Variants in STK24 observed in about 807,000 individuals in gnomAD.
STK24 encodes serine/threonine kinase 24, also known as serine/threonine-protein kinase 24.
Under a neutral mutation model 55.6 loss-of-function variants are expected in STK24, and 21 were observed. The observed-to-expected ratio is 0.38, with a 90% confidence interval of 0.27 to 0.54. The LOEUF (loss-of-function observed/expected upper bound fraction) is 0.54, where lower values mean the gene tolerates loss of function less well. Among genes scored for constraint, STK24 ranks in the 20% least tolerant of loss-of-function variants. The probability of loss-of-function intolerance (pLI) is 0.79; values close to 1 mark genes in which losing one functional copy is unlikely to be tolerated. For synonymous variants in STK24, 200 were observed against 215.2 expected, an observed-to-expected ratio of 0.93 and a Z score of 0.62; for missense variants, 383 against 538.4, an observed-to-expected ratio of 0.71 and a Z score of 2.86.
intron 2 of STK24, among the ~76,000 whole-genome samples, chr13:98,485,117 G>A (rs1894755730): frequency 6.6e-6 from 1 of 152,164 alleles, no homozygotes; most frequent in Non-Finnish European, 1.5e-5. Flanking sequence ...GTGTGTCACC[G>A]CCCAGTGGGT....
At chr13:98,507,971 G>T (rs1489905484) in intron 2 of STK24, among the ~76,000 whole-genome samples, 1 of 151,826 alleles carries the variant, frequency 6.6e-6, no homozygotes, top group Admixed American at 6.6e-5. Context: ...GGCCCAAAAT[G>T]CAACAGGGAA....
At chr13:98,553,515 C>T in intron 1 of STK24, 1 of 176,188 alleles carries the variant, frequency 5.7e-6, no homozygotes, top group Non-Finnish European at 1.3e-5. Context: ...TTCCAGGCAC[C>T]CAAGAGGCCT....
intron 1 of STK24, among the ~76,000 whole-genome samples, chr13:98,544,169 A>G (rs1896971376): frequency 6.6e-6 from 1 of 152,264 alleles, no homozygotes; most frequent in Admixed American, 6.5e-5. Flanking sequence ...CTGAACCCAC[A>G]GATGACAAAG....
chr13:98,530,275 G>A (rs1404829564), intron 1 of STK24, among the ~76,000 whole-genome samples: 3 of 152,138 alleles, frequency 2.0e-5, no homozygotes. Context: ...AGAATGTCTT[G>A]TAAAACACCT....
intron 2 of STK24, among the ~76,000 whole-genome samples, chr13:98,496,076 G>A (rs539225753): frequency 3.8e-4 from 58 of 152,320 alleles, no homozygotes; most frequent in African/African-American, 1.3e-3. Flanking sequence ...CTTGGTGCAT[G>A]GCTGCCCTAC....
chr13:98,535,931 C>T (rs1232992412), intron 1 of STK24, among the ~76,000 whole-genome samples: 2 of 152,230 alleles, frequency 1.3e-5, no homozygotes, highest in Non-Finnish European at 2.9e-5. Context: ...TTTACAAGAA[C>T]TGATGGAAGC....
chr13:98,470,246 G>C (rs1157331088), intron 5 of STK24, among the ~76,000 whole-genome samples: 1 of 152,106 alleles, frequency 6.6e-6, no homozygotes, highest in Non-Finnish European at 1.5e-5. Flanking sequence ...TGGATAGCTG[G>C]GACTATAGGG....
chr13:98,489,909 G>A (rs1894955510), intron 2 of STK24, among the ~76,000 whole-genome samples: 1 of 152,202 alleles, frequency 6.6e-6, no homozygotes, highest in East Asian at 1.9e-4. Context: ...GAAAAGGAAA[G>A]TAAGAGCGAG....
At chr13:98,520,400 G>A (rs1437793385) in intron 1 of STK24, among the ~76,000 whole-genome samples, 1 of 152,222 alleles carries the variant, frequency 6.6e-6, no homozygotes, top group Non-Finnish European at 1.5e-5. Context: ...AGACACCACT[G>A]CTGCAGACAC....
At chr13:98,513,655 G>A (rs1050392233) in intron 2 of STK24, among the ~76,000 whole-genome samples, 1 of 151,878 alleles carries the variant, frequency 6.6e-6, no homozygotes, top group Non-Finnish European at 1.5e-5. Flanking sequence ...CTTTCTTCTG[G>A]GCCCTTTCAA....
Position 98,448,202 on chromosome 13 carries a change from A to C in STK24, c.*4971T>G, listed in dbSNP as rs756892006. 4 of 1,591,402 alleles carry C rather than the reference A, an allele frequency of 2.5e-6. No individual in the cohort carries two copies. The South Asian group carries it at 3.3e-5, about 13-fold the overall frequency. On this transcript the variant is annotated 3_prime_UTR_variant, in exon 11 of 11. Coordinates refer to ENST00000539966, the MANE Select transcript of STK24 (RefSeq NM_001032296.4). ...CAAAGTGTCAGGAGTCCGTCCAAAC[A>C]AAAGGTTGACTAACTGGCGTTCCCG...
intron 5 of STK24, among the ~76,000 whole-genome samples, chr13:98,469,087 G>C (rs1736882839): frequency 6.6e-6 from 1 of 152,252 alleles, no homozygotes; most frequent in South Asian, 2.1e-4. Flanking sequence ...CAGGTTCAGG[G>C]ACAGATAATA....
rs764453770 is a variant in STK24 at position 98,461,915 on chromosome 13, G to A, written c.930-18C>T. The stretch of plus-strand genomic sequence containing the variant: ...CTGTTTCCCTTAACACAGAAATGCA[G>A]GAAATCCCATCAGTGCTCGCACACC... On this transcript the variant is annotated intron_variant, in intron 7 of 10. Coordinates refer to ENST00000539966, the MANE Select transcript of STK24 (RefSeq NM_001032296.4). 6.2e-6 allele frequency: 10 copies of A among 1,613,156 alleles called. No homozygotes were observed. The highest frequency in any genetic ancestry group is 8.5e-6 in the Non-Finnish European group (10 of 1,179,310).
rs1893802366 is a variant in STK24 at position 98,463,596 on chromosome 13, A to G, written c.929+95T>C. On this transcript the variant is annotated intron_variant, in intron 7 of 10. Coordinates refer to ENST00000539966, the MANE Select transcript of STK24 (RefSeq NM_001032296.4). ...AACCTGGATTGTCTAAAAAAAAAAAAAAACTCAACAGAAAACGAAACCCAC... is the reference window on the plus strand; with the variant it reads ...AACCTGGATTGTCTAAAAAAAAAAAGAAACTCAACAGAAAACGAAACCCAC... 7.1e-6 allele frequency: 10 copies of G among 1,416,932 alleles called. No homozygotes were observed. The Middle Eastern group carries it at 1.1e-3, about 156-fold the overall frequency. 87.8% of individuals were successfully genotyped at this position (1,416,932 alleles called of 1,614,324 possible).
At chr13:98,569,422 A>AC (rs34710629) in intron 1 of STK24, among the ~76,000 whole-genome samples, 11,841 of 148,020 alleles carry the variant, frequency 0.08, 559 homozygotes, top group Non-Finnish European at 0.11. Flanking sequence ...ACAAAAAAAA[A>AC]AAAACAAAAA....
Position 98,452,148 on chromosome 13 carries a change from A to G in STK24, c.*1025T>C, listed in dbSNP as rs1428028177. 1 of 152,226 alleles carries G rather than the reference A, an allele frequency of 6.6e-6. No homozygotes were observed. The highest frequency in any genetic ancestry group is 2.4e-5 in the African/African-American group (1 of 41,466). The allele number at this position is 152,226 out of a possible 1,614,324, so 9.4% of individuals were successfully genotyped here. ...TCCTCTGAAGAGTCACATTTCAAGGAGTATGCAAAATAAGCGTGTTATAAA... is the reference window on the plus strand; with the variant it reads ...TCCTCTGAAGAGTCACATTTCAAGGGGTATGCAAAATAAGCGTGTTATAAA... On this transcript the variant is annotated 3_prime_UTR_variant, in exon 11 of 11. Transcript: ENST00000539966.
chr13:98,480,286 G>A (rs1387566363), intron 3 of STK24, among the ~76,000 whole-genome samples: 2 of 152,154 alleles, frequency 1.3e-5, no homozygotes, highest in African/African-American at 2.4e-5. Flanking sequence ...ATATGAACAC[G>A]CTAAAGCATT....
chr13:98,571,766 T>C (rs1470874055), intron 1 of STK24, among the ~76,000 whole-genome samples: 1 of 152,126 alleles, frequency 6.6e-6, no homozygotes, highest in East Asian at 1.9e-4. Context: ...TGAGATACTA[T>C]AAAATGTTCA....
At chr13:98,528,544 C>T (rs528141655) in intron 1 of STK24, among the ~76,000 whole-genome samples, 36 of 152,178 alleles carry the variant, frequency 2.4e-4, no homozygotes, top group Non-Finnish European at 4.0e-4. Context: ...AGAAGCAGGG[C>T]CATTCCACAA....
Sources: gnomAD v4.1 joint callset for allele counts (sites outside exome capture counted in the v4.1 genomes callset) on GRCh38, gnomAD v4.1.1 for gene constraint, MANE v1.5 for transcripts, NCBI Gene and HGNC (gene_info 2026-07-23, HGNC 2026-07-21) for gene names.